Variants in ARNT2 observed in about 807,000 individuals in gnomAD.
ARNT2 encodes the protein aryl hydrocarbon receptor nuclear translocator 2.
Under a neutral mutation model 91.7 loss-of-function variants are expected in ARNT2, and 36 were observed. The observed-to-expected ratio is 0.39, with a 90% CI of 0.30 to 0.52. The LOEUF (loss-of-function observed/expected upper bound fraction) is 0.52, where lower values mean the gene tolerates loss of function less well. ARNT2 is among the 20% of genes least tolerant of loss of function. The pLI is 0.72. For missense variants in ARNT2, 775 were observed against 939.3 expected, an observed-to-expected ratio of 0.83 and a Z score of 2.29; for synonymous variants, 365 against 347.1, an observed-to-expected ratio of 1.05 and a Z score of -0.57.
chr15:80,419,683 T>C (rs549431684), intron 1 of ARNT2, among the ~76,000 whole-genome samples: 2 of 152,234 alleles, frequency 1.3e-5, no homozygotes, highest in African/African-American at 4.8e-5. Flanking sequence ...GGGCTTTTGG[T>C]TTTCTTATCT....
At chr15:80,484,268 AT>A (rs372038252) in intron 5 of ARNT2, among the ~76,000 whole-genome samples, 1 of 152,090 alleles carries the variant, frequency 6.6e-6, no homozygotes, top group Non-Finnish European at 1.5e-5. Flanking sequence ...GAAATAAAGC[AT>A]TTTTATGGCA....
rs376449985 is a variant in ARNT2, at chr15:80,475,122, C to G, written c.521C>G (p.Pro174Arg). The change falls in exon 5 of 19, where the codon CCC becomes CGC. Residue 174 changes from proline to arginine, a missense_variant. Pro to Arg is a moderately radical substitution (Grantham distance 103, BLOSUM62 -2). Transcript: ENST00000303329. The stretch of plus-strand genomic sequence containing the variant: ...TCCGTCACCCCTGTTCTGAACCAGC[C>G]CCAGTCAGAGTGGTTTGGGAGCACA... Reference protein sequence around the residue: ...SDSVTPVLNQPQSEWFGSTLY... With the variant: ...SDSVTPVLNQRQSEWFGSTLY... 6.2e-7 allele frequency: 1 copy of G among 1,614,142 alleles called. No homozygotes were observed. Among genetic ancestry groups the G allele is most frequent in the Non-Finnish European group, 8.5e-7 (1 of 1,180,028 alleles).
In ARNT2 at chr15:80,447,793, A is replaced by C. The variant is rs138406479; in HGVS notation, c.32-3087A>C. 6.2e-4 allele frequency among the ~76,000 whole-genome samples: 95 copies of C among 152,320 alleles called. 1 individual carries two copies. The highest frequency in any genetic ancestry group is 2.0e-3 in the African/African-American group (85 of 41,578). On this transcript the variant is annotated intron_variant, in intron 1 of 18. Transcript: ENST00000303329. ...TGGCTCCTAAAAATCAATATTAGAGAAAATATTTTATCTTTAAAGTCAATG... is the reference window on the plus strand; with the variant it reads ...TGGCTCCTAAAAATCAATATTAGAGCAAATATTTTATCTTTAAAGTCAATG...
In ARNT2 at chr15:80,412,064, A is replaced by G. The variant is rs1339160646; in HGVS notation, c.31+7518A>G. Among the ~76,000 whole-genome samples, 3 of 152,248 alleles carry G rather than the reference A, an allele frequency of 2.0e-5. No homozygotes were observed. In the East Asian group the frequency reaches 5.8e-4, roughly 29 times the overall value. ...CATTCAGGAAGGCAGCAACAAGGTC[A>G]AAAGATGCATTCATTGCCCTCTGAT... On this transcript the variant is annotated intron_variant, in intron 1 of 18. Transcript: ENST00000303329.
chr15:80,548,222 A>T (rs1421599541), intron 8 of ARNT2, among the ~76,000 whole-genome samples: 1 of 152,178 alleles, frequency 6.6e-6, no homozygotes, highest in East Asian at 1.9e-4. Context: ...TCCATTATTA[A>T]CCAAGGCATT....
In ARNT2 at chr15:80,470,430, A is replaced by G. The variant is rs1441009700; in HGVS notation, c.407A>G (p.Gln136Arg). ...GAYKPSFLTE[Q>R]ELKHLILEAA... is the part of the protein sequence containing the mutation. ...TACAAGCCTTCCTTCCTCACAGAGC[A>G]GGTACCCTGGTCATCACATCACCAT... The change falls in exon 4 of 19, where the codon CAG becomes CGG. Residue 136 changes from glutamine to arginine, a missense_variant and splice_region_variant. Physicochemically the swap from Gln to Arg is conservative, Grantham distance 43. Transcript: ENST00000303329. 1 of 1,614,062 alleles carries G rather than the reference A, an allele frequency of 6.2e-7. No individual in the cohort carries two copies. The highest frequency in any genetic ancestry group is 8.5e-7 in the Non-Finnish European group (1 of 1,179,928).
At chr15:80,557,159 G>A (rs531840126) in intron 11 of ARNT2, among the ~76,000 whole-genome samples, 2 of 152,218 alleles carry the variant, frequency 1.3e-5, no homozygotes, top group African/African-American at 4.8e-5. Flanking sequence ...CACGTATGTG[G>A]ATAGAACTCT....
intron 4 of ARNT2, among the ~76,000 whole-genome samples, chr15:80,474,037 T>G (rs1325999144): frequency 6.6e-6 from 1 of 152,224 alleles, no homozygotes; most frequent in Non-Finnish European, 1.5e-5. Flanking sequence ...TAGGGAAGAC[T>G]TAGTGCCTGG....
chr15:80,550,733 A>T (rs557737716), intron 8 of ARNT2, among the ~76,000 whole-genome samples: 15 of 152,336 alleles, frequency 9.8e-5, no homozygotes, highest in African/African-American at 3.6e-4. Context: ...ACAAGGGGAA[A>T]CACTGGTTGT....
At chr15:80,538,170 A>C (rs1349603217) in intron 8 of ARNT2, among the ~76,000 whole-genome samples, 1 of 152,218 alleles carries the variant, frequency 6.6e-6, no homozygotes, top group Non-Finnish European at 1.5e-5. Flanking sequence ...ACTATTAGAC[A>C]TACAAGAAGA....
intron 15 of ARNT2, among the ~76,000 whole-genome samples, chr15:80,579,676 T>G (rs1168617146): frequency 1.3e-5 from 2 of 152,136 alleles, no homozygotes; most frequent in East Asian, 3.9e-4. Context: ...AGCCTTTTAG[T>G]CTTTGATGAG....
chr15:80,409,300 C>T (rs953641758), intron 1 of ARNT2, among the ~76,000 whole-genome samples: 4 of 152,200 alleles, frequency 2.6e-5, no homozygotes, highest in African/African-American at 9.7e-5. Context: ...TTGCCTTTTC[C>T]AGAAAGTCAT....
chr15:80,561,007 G>A (rs548583310), intron 11 of ARNT2, among the ~76,000 whole-genome samples: 51 of 152,228 alleles, frequency 3.4e-4, no homozygotes, highest in Admixed American at 9.8e-4. Context: ...AGCCCCAGCC[G>A]TGGGGCCAGC....
At chr15:80,409,820 C>T (rs1895655385) in intron 1 of ARNT2, among the ~76,000 whole-genome samples, 1 of 152,102 alleles carries the variant, frequency 6.6e-6, no homozygotes, top group Non-Finnish European at 1.5e-5. Flanking sequence ...AGTCAAGCTC[C>T]AAGGAATGAT....
chr15:80,424,944 T>C (rs1895912422), intron 1 of ARNT2, among the ~76,000 whole-genome samples: 1 of 152,218 alleles, frequency 6.6e-6, no homozygotes, highest in East Asian at 1.9e-4. Context: ...TCCAGTTCCT[T>C]GTGCAAAATA....
intron 3 of ARNT2, among the ~76,000 whole-genome samples, chr15:80,458,416 G>T (rs1896508898): frequency 6.6e-6 from 1 of 152,086 alleles, no homozygotes; most frequent in Non-Finnish European, 1.5e-5. Context: ...GTCTTTTATT[G>T]CTACCATGGA....
chr15:80,486,737 T>C (rs1434993126), intron 5 of ARNT2, among the ~76,000 whole-genome samples: 1 of 152,206 alleles, frequency 6.6e-6, no homozygotes, highest in African/African-American at 2.4e-5. Context: ...TGCTGGGGGA[T>C]AGGAATACTC....
At chr15:80,425,040 A>G (rs1482632895) in intron 1 of ARNT2, among the ~76,000 whole-genome samples, 2 of 152,254 alleles carry the variant, frequency 1.3e-5, no homozygotes, top group African/African-American at 4.8e-5. Flanking sequence ...AAACTATATC[A>G]TGAACATGCT....
rs1362654643 is a variant in ARNT2, at chr15:80,591,081, A to G, written c.1919-487A>G. ...GCCAAGATGAGGCTTTTCCTCTAGC[A>G]GGGCCAGATGCCTTTCAAGAGCATT... On this transcript the variant is annotated intron_variant, in intron 17 of 18. Coordinates refer to ENST00000303329, the MANE Select transcript of ARNT2 (RefSeq NM_014862.4). The surrounding 1 kb of genome is among the most constrained non-coding windows in gnomAD (Gnocchi z 5.1). Among the ~76,000 whole-genome samples the G allele has an allele frequency of 6.6e-6, 1 of 152,234 alleles. No individual in the cohort carries two copies. Among genetic ancestry groups the G allele is most frequent in the Non-Finnish European group, 1.5e-5 (1 of 68,034 alleles).
Sources: allele counts gnomAD v4.1 joint callset (sites outside exome capture counted in the v4.1 genomes callset), GRCh38; gene constraint gnomAD v4.1.1; non-coding constraint Gnocchi (gnomAD v3.1); transcripts MANE v1.5; gene names NCBI Gene and HGNC (gene_info 2026-07-23, HGNC 2026-07-21).